TMEM18: variants seen among roughly 807,000 people sequenced by gnomAD.
The protein encoded by TMEM18 is transmembrane protein 18.
A neutral mutation model predicts 17.4 loss-of-function variants in TMEM18; 14 were observed. The ratio of observed to expected loss-of-function variants is 0.80; its 90% CI spans 0.53 to 1.25. TMEM18 has a LOEUF of 1.25. Among genes scored for constraint, TMEM18 ranks in the 50% most tolerant of loss-of-function variants. TMEM18 has a pLI of 0.00. For synonymous variants in TMEM18, 86 were observed against 66.1 expected, an observed-to-expected ratio of 1.30 and a Z score of -1.46; for missense variants, 187 against 172.1, an observed-to-expected ratio of 1.09 and a Z score of -0.48.
In TMEM18 at chr2:675,591, T is replaced by G. The variant is rs745839788; in HGVS notation, c.97A>C (p.Thr33Pro). 1.2e-6 allele frequency: 2 copies of G among 1,614,166 alleles called. No individual in the cohort carries two copies. Among genetic ancestry groups the G allele is most frequent in the South Asian group, 2.2e-5 (2 of 91,084 alleles). ...AGGAGCACGCAGAGCGCGTGGAAGG[T>G]GGCCAGCCCCATGAGCCAGGGCTCA... ...WTEPWLMGLA[T>P]FHALCVLLTC... The change falls in exon 2 of 5, where the codon ACC becomes CCC. Residue 33 changes from threonine to proline, a missense_variant. Thr to Pro is a conservative substitution (Grantham distance 38). Transcript: ENST00000281017.
At position 674,287 on chromosome 2, in the gene TMEM18, T is replaced by C. The variant is rs550022401; in HGVS notation, c.178+1223A>G. 2.8e-4 allele frequency among the ~76,000 whole-genome samples: 42 copies of C among 152,326 alleles called. 1 individual carries two copies. In the South Asian group the frequency reaches 8.1e-3, roughly 29 times the overall value. On this transcript the variant is annotated intron_variant, in intron 2 of 4. Coordinates refer to ENST00000281017, the MANE Select transcript of TMEM18 (RefSeq NM_152834.4). ...GAGCTCAGCTGGTGAAGCCATCACC[T>C]TTCTTTGAGATGCCTGCCTCAGGGC...
intron 3 of TMEM18, 28 bp downstream of exon 3, chr2:672,780 C>T (rs200258865): frequency 8.3e-6 from 12 of 1,449,602 alleles, no homozygotes; most frequent in Non-Finnish European, 1.1e-5. Flanking sequence ...CTGCAGGGAC[C>T]TGGTCACAGG....
rs1036887247 is a variant in TMEM18 at position 668,516 on chromosome 2, A to G, written c.*1064T>C. The G allele has an allele frequency of 3.3e-5, 5 of 152,244 alleles. No individual in the cohort carries two copies. The highest frequency in any genetic ancestry group is 1.2e-4 in the African/African-American group (5 of 41,456). The allele number at this position is 152,244 out of a possible 1,614,324, so 9.4% of individuals were successfully genotyped here. A position where few individuals can be genotyped will look rare whatever the true frequency, so the allele number is the denominator to read the frequency against. On this transcript the variant is annotated 3_prime_UTR_variant, in exon 5 of 5. Transcript: ENST00000281017. ...TCTTCCCAGGCTTGTCTAATCAAAG[A>G]TAACTGTTCCAATTACATTTTGAAT...
chr2:664,493 T>TA lies in TMEM18; in HGVS notation c.*5086dup, dbSNP rs765330339. On this transcript the variant is annotated 3_prime_UTR_variant, in exon 5 of 5. Coordinates refer to ENST00000281017, the MANE Select transcript of TMEM18 (RefSeq NM_152834.4). Reference sequence around the variant, plus strand: ...AGAAGAATACGAACAGATTATTCACTAAAAAAATGCAAAACACCAACAATC... The same window carrying TA: ...AGAAGAATACGAACAGATTATTCACTAAAAAAAATGCAAAACACCAACAATC... 1.3e-5 allele frequency among the ~76,000 whole-genome samples: 2 copies of TA among 152,306 alleles called. No homozygotes were observed. Among genetic ancestry groups the TA allele is most frequent in the African/African-American group, 4.8e-5 (2 of 41,558 alleles).
At chr2:672,138 T>C (rs942716205) in intron 3 of TMEM18, among the ~76,000 whole-genome samples, 1 of 152,232 alleles carries the variant, frequency 6.6e-6, no homozygotes, top group African/African-American at 2.4e-5. Context: ...TCTCAGCTCC[T>C]TCCTGCTCAG....
At position 664,397 on chromosome 2, in the gene TMEM18, C is replaced by A. The variant is rs1678622341; in HGVS notation, c.*5183G>T. ...TACAGACTAGTAACACATATTTCTG[C>A]CCTATATGTGTTACCAATTTTAACA... On this transcript the variant is annotated 3_prime_UTR_variant, in exon 5 of 5. Coordinates refer to ENST00000281017, the MANE Select transcript of TMEM18 (RefSeq NM_152834.4). Among the ~76,000 whole-genome samples the A allele has an allele frequency of 6.6e-6, 1 of 152,126 alleles. No homozygotes were observed. The highest frequency in any genetic ancestry group is 6.5e-5 in the Admixed American group (1 of 15,280).
chr2:665,981 C>T lies in TMEM18; in HGVS notation c.*3599G>A, dbSNP rs578212099. Among the ~76,000 whole-genome samples the T allele has an allele frequency of 2.0e-5, 3 of 152,134 alleles. No homozygotes were observed. The highest frequency in any genetic ancestry group is 6.5e-5 in the Admixed American group (1 of 15,274). ...CAGAGATGCGGATGCCCAGCTCACTCGGATGGAGTATTAACCCCATGTACA... is the reference window on the plus strand; with the variant it reads ...CAGAGATGCGGATGCCCAGCTCACTTGGATGGAGTATTAACCCCATGTACA... On this transcript the variant is annotated 3_prime_UTR_variant, in exon 5 of 5. Transcript: ENST00000281017.
At chr2:670,210 CAG>C (rs1678805798) in intron 3 of TMEM18, 1 of 212,986 alleles carries the variant, frequency 4.7e-6, no homozygotes. Context: ...TTAAAACCTA[CAG>C]AGTAACAACG....
At chr2:669,912 C>T in intron 3 of TMEM18, 62 bp from the exon 4 acceptor site, 3 of 1,309,198 alleles carry the variant, frequency 2.3e-6, no homozygotes, top group South Asian at 1.3e-5. Flanking sequence ...CTAGTGACAC[C>T]GTCTATTTAG....
At chr2:675,358 G>C (rs2103094326) in intron 2 of TMEM18, 152 bp downstream of exon 2, 5 of 1,140,014 alleles carry the variant, frequency 4.4e-6, no homozygotes, top group Non-Finnish European at 6.2e-6. Context: ...GCTTCCAAGA[G>C]TGAAAAACGG....
In TMEM18 at chr2:663,890, A is replaced by G. The variant is rs1558176365; in HGVS notation, c.*5690T>C. Among the ~76,000 whole-genome samples the G allele has an allele frequency of 6.6e-6, 1 of 152,236 alleles. No homozygotes were observed. On this transcript the variant is annotated 3_prime_UTR_variant, in exon 5 of 5. Coordinates refer to ENST00000281017, the MANE Select transcript of TMEM18 (RefSeq NM_152834.4). ...TACAGAGAAGAATTTAAAGAGCAAA[A>G]AAGCCAACATGAGTAACTTTATTTA...
At position 676,936 on chromosome 2, in the gene TMEM18, C is replaced by A. The variant is rs576237081; in HGVS notation, c.57+353G>T. On this transcript the variant is annotated intron_variant, in intron 1 of 4. Transcript: ENST00000281017. ...GTGCAGGACGCCAGCCCAGCCCAAGCCCGGGCCACAGAGCGCCGGAGCCAG... is the reference window on the plus strand; with the variant it reads ...GTGCAGGACGCCAGCCCAGCCCAAGACCGGGCCACAGAGCGCCGGAGCCAG... The A allele has an allele frequency of 6.8e-4, 321 of 470,624 alleles. 2 individuals are homozygous for A. The highest frequency in any genetic ancestry group is 5.7e-3 in the African/African-American group (278 of 48,682). 29.2% of individuals were successfully genotyped at this position (470,624 alleles called of 1,614,324 possible).
chr2:676,815 C>T (rs887533873), intron 1 of TMEM18: 2 of 657,064 alleles, frequency 3.0e-6, no homozygotes, highest in Non-Finnish European at 5.2e-6. Context: ...GCCCAAGCCC[C>T]GCCCGCAAGA....
chr2:675,691 ACCCACAG>A, intron 1 of TMEM18, 61 bp from the exon 2 acceptor site: 1 of 1,596,936 alleles, frequency 6.3e-7, no homozygotes, highest in African/African-American at 1.3e-5. Context: ...TTCACGGCCC[ACCCACAG>A]CCTTCTCCCA....
At chr2:677,080 C>T in intron 1 of TMEM18, 2 of 538,998 alleles carry the variant, frequency 3.7e-6, no homozygotes, top group Admixed American at 3.7e-5. Flanking sequence ...TCCCACAGGG[C>T]CCAGGACCCC....
At position 664,493 on chromosome 2, in the gene TMEM18, TA is replaced by T. The variant is rs765330339; in HGVS notation, c.*5086del. ...AGAAGAATACGAACAGATTATTCACTAAAAAAATGCAAAACACCAACAATCA... is the reference window on the plus strand; with the variant it reads ...AGAAGAATACGAACAGATTATTCACTAAAAAATGCAAAACACCAACAATCA... On this transcript the variant is annotated 3_prime_UTR_variant, in exon 5 of 5. Coordinates refer to ENST00000281017, the MANE Select transcript of TMEM18 (RefSeq NM_152834.4). Among the ~76,000 whole-genome samples the T allele has an allele frequency of 1.3e-5, 2 of 152,188 alleles. No homozygotes were observed. Among genetic ancestry groups the T allele is most frequent in the African/African-American group, 4.8e-5 (2 of 41,436 alleles).
intron 3 of TMEM18, chr2:670,282 C>T: frequency 5.7e-6 from 1 of 175,688 alleles, no homozygotes; most frequent in Non-Finnish European, 1.2e-5. Flanking sequence ...TCCACAGCTG[C>T]ACTGGGAAGG....
chr2:671,936 GAC>G (rs536325861), intron 3 of TMEM18, among the ~76,000 whole-genome samples: 1 of 152,192 alleles, frequency 6.6e-6, no homozygotes, highest in Non-Finnish European at 1.5e-5. Context: ...GGAGGGCAGA[GAC>G]AGTGCTGCAG....
chr2:675,380 G>C, intron 2 of TMEM18, 130 bp downstream of exon 2: 1 of 1,364,898 alleles, frequency 7.3e-7, no homozygotes, highest in Non-Finnish European at 1.0e-6. Flanking sequence ...AGTGCCCTGG[G>C]AGCAGGCACA....
Sources: allele counts gnomAD v4.1 joint callset (sites outside exome capture counted in the v4.1 genomes callset), GRCh38; gene constraint gnomAD v4.1.1; transcripts MANE v1.5; gene names NCBI Gene and HGNC (gene_info 2026-07-23, HGNC 2026-07-21).